TBX5: variants seen among roughly 807,000 people sequenced by gnomAD.
The protein encoded by TBX5 is T-box transcription factor TBX5.
A neutral mutation model predicts 51.1 loss-of-function variants in TBX5; 8 were observed. That is an observed-to-expected ratio of 0.16 (90% CI 0.09 to 0.28). The LOEUF (loss-of-function observed/expected upper bound fraction) is 0.28, where lower values mean the gene tolerates loss of function less well. Among genes scored for constraint, TBX5 ranks in the 10% least tolerant of loss-of-function variants. The pLI is 1.00. For synonymous variants in TBX5, 302 were observed against 266.4 expected (o/e 1.13, Z -1.30); for missense variants, 589 against 671.7 (o/e 0.88, Z 1.36).
At chr12:114,368,960 T>C (rs972705299) in intron 7 of TBX5, among the ~76,000 whole-genome samples, 1 of 152,072 alleles carries the variant, frequency 6.6e-6, no homozygotes. Flanking sequence ...GGGAATGGAA[T>C]TAGCTTTACA....
intron 7 of TBX5, among the ~76,000 whole-genome samples, chr12:114,373,375 A>T (rs1332368538): frequency 6.6e-6 from 1 of 152,202 alleles, no homozygotes; most frequent in Non-Finnish European, 1.5e-5. Context: ...TAAAAGCTAG[A>T]TGTAAAACTA....
At chr12:114,376,633 G>A (rs1182810186) in intron 7 of TBX5, among the ~76,000 whole-genome samples, 1 of 150,618 alleles carries the variant, frequency 6.6e-6, no homozygotes, top group African/African-American at 2.4e-5. Flanking sequence ...TTAACTAAGA[G>A]GGTACATCTT....
chr12:114,356,687 A>ATT (rs1363980040), intron 8 of TBX5, among the ~76,000 whole-genome samples: 1 of 152,228 alleles, frequency 6.6e-6, no homozygotes, highest in Non-Finnish European at 1.5e-5. Context: ...AACACCTACT[A>ATT]TTAACAACAG....
chr12:114,405,935 G>C lies in TBX5; in HGVS notation c.-346C>G, dbSNP rs962099626. ...GGCAACCATATAATCTCAGTGCCCC[G>C]CTCCTCCTTTACACCCCCAGGGAGG... On this transcript the variant is annotated 5_prime_UTR_variant, in exon 1 of 9. Coordinates refer to ENST00000405440, the MANE Select transcript of TBX5 (RefSeq NM_181486.4). The C allele has an allele frequency of 7.2e-5, 71 of 985,258 alleles. No homozygotes were observed. The highest frequency in any genetic ancestry group is 8.4e-5 in the Non-Finnish European group (70 of 829,996). 61.0% of individuals were successfully genotyped at this position (985,258 alleles called of 1,614,324 possible).
chr12:114,370,307 GAAAAGAAAGA>G (rs1869816277), intron 7 of TBX5, among the ~76,000 whole-genome samples: 12 of 140,358 alleles, frequency 8.5e-5, no homozygotes, highest in Admixed American at 7.1e-5. Flanking sequence ...GAAAAGAAAA[GAAAAGAAAGA>G]AAAGAAAAGA....
At chr12:114,367,776 G>T (rs1442164810) in intron 7 of TBX5, among the ~76,000 whole-genome samples, 1 of 152,130 alleles carries the variant, frequency 6.6e-6, no homozygotes, top group Non-Finnish European at 1.5e-5. Context: ...TTTAGGATGG[G>T]GATAGGGAAT....
In TBX5 at chr12:114,382,294, A is replaced by G. The variant is rs540276776; in HGVS notation, c.755+3182T>C. Among the ~76,000 whole-genome samples the G allele has an allele frequency of 4.6e-5, 7 of 152,312 alleles. No individual in the cohort carries two copies. The East Asian group carries it at 1.2e-3, about 25-fold the overall frequency. On this transcript the variant is annotated intron_variant, in intron 7 of 8. Transcript: ENST00000405440. ...GCACCACTGCCCTCCAGCCTGGGCA[A>G]CAGAGCGAGGCCCTGTCTCAATCAA...
chr12:114,357,008 AT>A (rs1868958167), intron 8 of TBX5, among the ~76,000 whole-genome samples: 2 of 152,090 alleles, frequency 1.3e-5, no homozygotes, highest in African/African-American at 4.8e-5. Context: ...GGATGGATGG[AT>A]GGATGGATGG....
At chr12:114,374,792 C>G (rs1221863303) in intron 7 of TBX5, among the ~76,000 whole-genome samples, 1 of 152,080 alleles carries the variant, frequency 6.6e-6, no homozygotes, top group Non-Finnish European at 1.5e-5. Context: ...AAATTGAGTC[C>G]TAGTTAATGA....
chr12:114,383,590 A>G (rs1281982278), intron 7 of TBX5, among the ~76,000 whole-genome samples: 2 of 152,108 alleles, frequency 1.3e-5, no homozygotes, highest in Non-Finnish European at 2.9e-5. Context: ...GTGGCTGCCT[A>G]AAGAAAGTCC....
Position 114,385,517 on chromosome 12 carries a change from G to A in TBX5, c.714C>T (p.Gly238=), listed in dbSNP as rs764630371. 11 of 1,614,012 alleles carry A rather than the reference G, an allele frequency of 6.8e-6. No homozygotes were observed. The highest frequency in any genetic ancestry group is 6.6e-5 in the South Asian group (6 of 91,078). Reference sequence around the variant, plus strand: ...TTCTGTGCAGCTCCATGTCATCACTGCCCCGAAATCCTTTGGCAAAGGGAT... The same window carrying A: ...TTCTGTGCAGCTCCATGTCATCACTACCCCGAAATCCTTTGGCAAAGGGAT... ...ENNPFAKGFR[G]SDDMELHRMS... is the part of the protein sequence containing the mutation. Residue 238 remains glycine, a synonymous_variant, in exon 7 of 9, where the codon GGC becomes GGT. Transcript: ENST00000405440.
intron 8 of TBX5, among the ~76,000 whole-genome samples, chr12:114,357,879 C>A (rs894062084): frequency 6.6e-6 from 1 of 152,182 alleles, no homozygotes; most frequent in Admixed American, 6.5e-5. Context: ...GGCATCCATG[C>A]AACTCACTGT....
chr12:114,385,709 G>GC, intron 6 of TBX5, 142 bp from the exon 7 acceptor site: 1 of 723,348 alleles, frequency 1.4e-6, no homozygotes, highest in South Asian at 1.5e-5. Flanking sequence ...CACGTCAACG[G>GC]GACCCACCAC....
chr12:114,405,550 C>A (rs559408463), intron 1 of TBX5, 78 bp downstream of exon 1: 10 of 248,882 alleles, frequency 4.0e-5, no homozygotes, highest in African/African-American at 2.1e-4. Flanking sequence ...GGCTGGAATC[C>A]GCCATTCCCG....
intron 7 of TBX5, among the ~76,000 whole-genome samples, chr12:114,382,657 C>T (rs573000801): frequency 2.0e-5 from 3 of 152,126 alleles, no homozygotes; most frequent in South Asian, 2.1e-4. Context: ...ATTAGCCAGG[C>T]GTGGTGGTGA....
rs756656267 is a variant in TBX5, at chr12:114,355,594, G to C, written c.1495C>G (p.Pro499Ala). 1 of 1,614,084 alleles carries C rather than the reference G, an allele frequency of 6.2e-7. No homozygotes were observed. Among genetic ancestry groups the C allele is most frequent in the African/African-American group, 1.3e-5 (1 of 74,926 alleles). Residue 499 changes from proline to alanine, a missense_variant, in exon 9 of 9, where the codon CCT (proline) becomes GCT (alanine). Transcript: ENST00000405440. Reference sequence around the variant, plus strand: ...CCGTGCACAGAGTGGTACTGATGAGGGGATAGAGTCCTTGGCACGCCATGA... The same window carrying C: ...CCGTGCACAGAGTGGTACTGATGAGCGGATAGAGTCCTTGGCACGCCATGA... The part of the protein sequence containing the change: ...YSHGVPRTLS[P>A]HQYHSVHGVG...
intron 6 of TBX5, among the ~76,000 whole-genome samples, chr12:114,389,740 C>T (rs961419532): frequency 3.9e-5 from 4 of 103,498 alleles, no homozygotes; most frequent in Non-Finnish European, 5.2e-5. Flanking sequence ...GGCGACAGAG[C>T]GAGACTCCGT....
At chr12:114,385,788 G>A (rs1307537154) in intron 6 of TBX5, among the ~76,000 whole-genome samples, 1 of 150,886 alleles carries the variant, frequency 6.6e-6, no homozygotes, top group Non-Finnish European at 1.5e-5. Context: ...AAACACCTGG[G>A]TTTGGTTTGC....
At position 114,355,640 on chromosome 12, in the gene TBX5, C is replaced by G; in HGVS notation, c.1449G>C (p.Gln483His). Residue 483 changes from glutamine (Q) to histidine (H), a missense_variant, in exon 9 of 9, where the codon CAG becomes CAC. By Grantham distance (24) the Gln-to-His change is conservative. Coordinates refer to ENST00000405440, the MANE Select transcript of TBX5 (RefSeq NM_181486.4). ...CATGAGAGTAGAGGAACTCAGGGGG[C>G]TGAAGGGTGCCAGGGGACTGCAGGC... ...QTGLQSPGTL[Q>H]PPEFLYSHGV... 1 of 1,614,170 alleles carries G rather than the reference C, an allele frequency of 6.2e-7. No homozygotes were observed. Among genetic ancestry groups the G allele is most frequent in the Non-Finnish European group, 8.5e-7 (1 of 1,180,040 alleles).
Sources: allele counts gnomAD v4.1 joint callset (sites outside exome capture counted in the v4.1 genomes callset), GRCh38; gene constraint gnomAD v4.1.1; transcripts MANE v1.5; gene names NCBI Gene and HGNC (gene_info 2026-07-23, HGNC 2026-07-21).